The following CREM variants were observed in gnomAD, a reference collection of about 807,000 sequenced individuals.
The protein encoded by CREM is cAMP-responsive element modulator.
Under a neutral mutation model 37.3 loss-of-function variants are expected in CREM, and 13 were observed. The observed-to-expected ratio is 0.35, with a 90% confidence interval of 0.23 to 0.55. The LOEUF (loss-of-function observed/expected upper bound fraction) is 0.55, where lower values mean the gene tolerates loss of function less well. CREM is among the 20% of genes least tolerant of loss of function. CREM has a pLI of 0.88. For missense variants in CREM, 296 were observed against 362.3 expected (o/e 0.82, Z 1.49); for synonymous variants, 124 against 120.2 (o/e 1.03, Z -0.21).
chr10:35,143,852 G>T (rs1384196478), intron 2 of CREM, among the ~76,000 whole-genome samples: 1 of 152,160 alleles, frequency 6.6e-6, no homozygotes, highest in Non-Finnish European at 1.5e-5. Flanking sequence ...AAGATGAGCA[G>T]TACTCTCTTG....
chr10:35,190,628 G>GTAA (rs527368942), intron 6 of CREM, among the ~76,000 whole-genome samples: 2 of 151,880 alleles, frequency 1.3e-5, no homozygotes, highest in Middle Eastern at 3.4e-3. Context: ...AATAGTAGTA[G>GTAA]TAATAATAAT....
At chr10:35,200,241 T>G (rs563479038) in intron 6 of CREM, among the ~76,000 whole-genome samples, 1 of 152,324 alleles carries the variant, frequency 6.6e-6, no homozygotes, top group Admixed American at 6.5e-5. Flanking sequence ...GTAGAGCATA[T>G]ATTTGCTATT....
chr10:35,201,646 A>C (rs1200551503), intron 6 of CREM, among the ~76,000 whole-genome samples: 1 of 152,180 alleles, frequency 6.6e-6, no homozygotes, highest in Non-Finnish European at 1.5e-5. Context: ...GAACCTAAAA[A>C]AAAAAAAATG....
At chr10:35,157,795 C>T (rs567490998) in intron 3 of CREM, among the ~76,000 whole-genome samples, 2 of 152,004 alleles carry the variant, frequency 1.3e-5, no homozygotes, top group African/African-American at 2.4e-5. Flanking sequence ...ATGACATGAT[C>T]TTACATATGA....
chr10:35,173,658 A>G (rs1476491581), intron 3 of CREM, among the ~76,000 whole-genome samples: 1 of 152,240 alleles, frequency 6.6e-6, no homozygotes, highest in Non-Finnish European at 1.5e-5. Context: ...GTGAAAACCA[A>G]TTGTATAATC....
chr10:35,166,074 T>C (rs778470459), intron 3 of CREM, among the ~76,000 whole-genome samples: 9 of 152,128 alleles, frequency 5.9e-5, no homozygotes, highest in Non-Finnish European at 1.2e-4. Context: ...TTTCAGCTTA[T>C]GCGCTATACA....
chr10:35,195,782 C>G, intron 6 of CREM: 1 of 490,082 alleles, frequency 2.0e-6, no homozygotes, highest in East Asian at 3.6e-5. Flanking sequence ...AGGCTGATGT[C>G]ATTACATTTC....
intron 4 of CREM, 40 bp downstream of exon 4, chr10:35,179,026 C>A (rs748496572): frequency 6.4e-7 from 1 of 1,558,882 alleles, no homozygotes. Flanking sequence ...ATACTTTTTC[C>A]AAAATGGTAG....
intron 3 of CREM, 96 bp from the exon 4 acceptor site, chr10:35,178,793 C>T: frequency 1.1e-6 from 1 of 872,482 alleles, no homozygotes; most frequent in Non-Finnish European, 1.8e-6. Flanking sequence ...CAGCTCCTGG[C>T]TCAGTGCTGC....
intron 2 of CREM, 40 bp downstream of exon 2, chr10:35,137,919 A>G: frequency 1.3e-6 from 2 of 1,526,190 alleles, no homozygotes; most frequent in South Asian, 1.2e-5. Flanking sequence ...TGAAAATTCT[A>G]CTTAGCTTAA....
chr10:35,145,789 AAAAAAAAAAAG>A (rs1290195139), intron 2 of CREM, among the ~76,000 whole-genome samples: 1 of 149,584 alleles, frequency 6.7e-6, no homozygotes, highest in Non-Finnish European at 1.5e-5. Context: ...AAAAAAAAAA[AAAAAAAAAAAG>A]AAATTACTTT....
intron 3 of CREM, among the ~76,000 whole-genome samples, chr10:35,158,155 T>C (rs993312481): frequency 6.6e-6 from 1 of 152,132 alleles, no homozygotes; most frequent in African/African-American, 2.4e-5. Flanking sequence ...CCCAAAGCGG[T>C]CTACAGATTT....
At chr10:35,143,975 G>C (rs1430777569) in intron 2 of CREM, among the ~76,000 whole-genome samples, 3 of 152,212 alleles carry the variant, frequency 2.0e-5, no homozygotes, top group Admixed American at 6.5e-5. Flanking sequence ...AGTTATGAGA[G>C]TGAAGATGAA....
intron 3 of CREM, among the ~76,000 whole-genome samples, chr10:35,153,745 G>C (rs1489644410): frequency 6.6e-6 from 1 of 152,192 alleles, no homozygotes; most frequent in Non-Finnish European, 1.5e-5. Context: ...AGCAAAGATA[G>C]AAGGGAAAGA....
chr10:35,190,495 G>A (rs1418901758), intron 6 of CREM, among the ~76,000 whole-genome samples: 6 of 152,014 alleles, frequency 3.9e-5, no homozygotes, highest in Admixed American at 1.3e-4. Flanking sequence ...GAATCCCAGC[G>A]CCATACATGT....
Position 35,211,551 on chromosome 10 carries a change from G to A in CREM, c.*153G>A. On this transcript the variant is annotated 3_prime_UTR_variant, in exon 8 of 8. Transcript: ENST00000685392. ...AATTGAATTGGGAATGTTGTTCCAG[G>A]ATGTGGAATGCAGCCGTGATCACAC... 6.6e-7 allele frequency: 1 copy of A among 1,504,506 alleles called. No individual in the cohort carries two copies. Among genetic ancestry groups the A allele is most frequent in the Non-Finnish European group, 9.0e-7 (1 of 1,112,536 alleles). The allele number at this position is 1,504,506 out of a possible 1,614,324, so 93.2% of individuals were successfully genotyped here.
chr10:35,188,740 A>C (rs1273745231), intron 6 of CREM, among the ~76,000 whole-genome samples: 1 of 151,468 alleles, frequency 6.6e-6, no homozygotes, highest in South Asian at 2.1e-4. Flanking sequence ...GCTCACTGCA[A>C]CCTGTCTCCT....
chr10:35,165,035 C>T (rs1409534747), intron 3 of CREM, among the ~76,000 whole-genome samples: 2 of 133,194 alleles, frequency 1.5e-5, no homozygotes, highest in African/African-American at 5.8e-5. Context: ...CCAGCCTGGG[C>T]CACAGAGCGA....
chr10:35,150,601 C>A (rs535049530), intron 3 of CREM, among the ~76,000 whole-genome samples: 1 of 152,092 alleles, frequency 6.6e-6, no homozygotes, highest in Non-Finnish European at 1.5e-5. Context: ...GCAGGTGGAT[C>A]GCTTGAGGCC....
Sources: gnomAD v4.1 joint callset for allele counts (sites outside exome capture counted in the v4.1 genomes callset) on GRCh38, gnomAD v4.1.1 for gene constraint, MANE v1.5 for transcripts, NCBI Gene and HGNC (gene_info 2026-07-23, HGNC 2026-07-21) for gene names.